The following HTR3E variants were observed in gnomAD, a reference collection of about 807,000 sequenced individuals.
HTR3E encodes 5-hydroxytryptamine receptor 3E.
A neutral mutation model predicts 38.0 loss-of-function variants in HTR3E; 38 were observed. The ratio of observed to expected loss-of-function variants is 1.00; its 90% CI spans 0.77 to 1.31. The LOEUF (loss-of-function observed/expected upper bound fraction) is 1.31. Ranked by LOEUF, HTR3E falls within the 50% of genes most tolerant of loss-of-function variation. The probability of loss-of-function intolerance (pLI) is 0.00; values close to 1 mark genes in which losing one functional copy is unlikely to be tolerated. For synonymous variants in HTR3E, 210 were observed against 232.9 expected, an observed-to-expected ratio of 0.90 and a Z score of 0.89; for missense variants, 547 against 585.2, an observed-to-expected ratio of 0.93 and a Z score of 0.67.
At chr3:184,105,217 A>C (rs1358547926) in intron 5 of HTR3E, 50 bp from the exon 6 acceptor site, 1 of 1,545,946 alleles carries the variant, frequency 6.5e-7, no homozygotes, top group Non-Finnish European at 8.7e-7. Flanking sequence ...CAGTTGAGCC[A>C]CCAGGAAACT....
rs780555155 is a variant in HTR3E at position 184,105,419 on chromosome 3, G to A, written c.712G>A (p.Val238Met). The change falls in exon 6 of 9, where the codon GTG becomes ATG. Residue 238 changes from valine (V) to methionine (M), a missense_variant. By Grantham distance (21) the Val-to-Met change is conservative. Transcript: ENST00000415389. ...GGGAGGCAACCTGTATGATCAGATC[G>A]TGTTCTATGTGAGCTTGGAGGCTCT... ...SRGGNLYDQI[V>M]FYVAIRRRPS... 14 of 1,604,962 alleles carry A rather than the reference G, an allele frequency of 8.7e-6. No individual in the cohort carries two copies. The highest frequency in any genetic ancestry group is 1.1e-5 in the South Asian group (1 of 89,166).
chr3:184,097,822 G>A (rs899567150), intron 1 of HTR3E, among the ~76,000 whole-genome samples: 2 of 152,028 alleles, frequency 1.3e-5, no homozygotes, highest in African/African-American at 2.4e-5. Context: ...TTTCCTTCTC[G>A]AAAAATAGAG....
chr3:184,101,381 C>T, intron 2 of HTR3E, 104 bp from the exon 3 acceptor site: 1 of 930,892 alleles, frequency 1.1e-6, no homozygotes, highest in African/African-American at 1.6e-5. Flanking sequence ...GATCACATAT[C>T]CCCTTTATAT....
At chr3:184,099,586 C>T (rs1179484763) in intron 1 of HTR3E, among the ~76,000 whole-genome samples, 3 of 150,606 alleles carry the variant, frequency 2.0e-5, no homozygotes, top group Admixed American at 6.6e-5. Flanking sequence ...CGGTGGCGGG[C>T]GCCTGTAGTC....
intron 1 of HTR3E, among the ~76,000 whole-genome samples, 186 bp downstream of exon 1, chr3:184,097,782 C>A (rs1234112054): frequency 6.6e-6 from 1 of 152,166 alleles, no homozygotes. Flanking sequence ...AATCCCCTTC[C>A]AGTTACATGC....
intron 6 of HTR3E, 125 bp downstream of exon 6, chr3:184,105,552 G>C: frequency 8.6e-7 from 1 of 1,166,780 alleles, no homozygotes; most frequent in Non-Finnish European, 1.2e-6. Flanking sequence ...TGGCTTCCCA[G>C]CCTCATTCTT....
At chr3:184,105,218 C>G in intron 5 of HTR3E, 49 bp from the exon 6 acceptor site, 2 of 1,548,528 alleles carry the variant, frequency 1.3e-6, no homozygotes, top group Non-Finnish European at 1.7e-6. Flanking sequence ...AGTTGAGCCA[C>G]CAGGAAACTA....
chr3:184,098,834 A>G (rs1711803283), intron 1 of HTR3E, among the ~76,000 whole-genome samples: 1 of 151,964 alleles, frequency 6.6e-6, no homozygotes. Flanking sequence ...ACCTGAGGTC[A>G]AGAGTTCAAG....
chr3:184,105,746 C>A lies in HTR3E; in HGVS notation c.721-19C>A. 1.3e-6 allele frequency: 2 copies of A among 1,596,524 alleles called. No individual in the cohort carries two copies. The highest frequency in any genetic ancestry group is 1.7e-6 in the Non-Finnish European group (2 of 1,164,326). On this transcript the variant is annotated intron_variant, in intron 6 of 8. Coordinates refer to ENST00000415389, the MANE Select transcript of HTR3E (RefSeq NM_001256613.2). ...CCTCTGACCCCATAACTACTTACCA[C>A]CCTCTCCTACCCCACCAGGTGGCCA... is the stretch of plus-strand genomic sequence containing the variant.
At position 184,100,489 on chromosome 3, in the gene HTR3E, G is replaced by C. The variant is rs1424556498; in HGVS notation, c.72G>C (p.Arg24Ser). 10 of 1,613,980 alleles carry C rather than the reference G, an allele frequency of 6.2e-6. No individual in the cohort carries two copies. Among genetic ancestry groups the C allele is most frequent in the Non-Finnish European group, 6.8e-6 (8 of 1,180,032 alleles). ...YLLLGFLLQG[R>S]GVTFTINCSG... is the part of the protein sequence containing the mutation. The stretch of plus-strand genomic sequence containing the variant: ...CACATTCGATGTCCACTACAGGAAG[G>C]GGCGTTACTTTCACCATCAATTGCT... Residue 24 changes from arginine (R) to serine (S), a missense_variant, in exon 2 of 9, where the codon AGG (arginine) becomes AGC (serine). Arg to Ser is a moderately radical substitution (Grantham distance 110). Transcript: ENST00000415389.
In HTR3E at chr3:184,105,302, T is replaced by A. The variant is rs143115282; in HGVS notation, c.595T>A (p.Trp199Arg). Residue 199 changes from tryptophan to arginine, a missense_variant, in exon 6 of 9, where the codon TGG becomes AGG. Physicochemically the swap from Trp to Arg is moderately radical, Grantham distance 101. Transcript: ENST00000415389. Reference protein sequence around the residue: ...SMLLDMEKEVWEITDASRNIL... With the variant: ...SMLLDMEKEVREITDASRNIL... The stretch of plus-strand genomic sequence containing the variant: ...GTTGCTGGACATGGAGAAAGAAGTG[T>A]GGGAAATAACAGACGCATCCCGGAA... The A allele has an allele frequency of 6.5e-5, 105 of 1,613,788 alleles. No individual in the cohort carries two copies. The African/African-American group carries it at 1.2e-3, about 18-fold the overall frequency.
In HTR3E at chr3:184,106,448, C is replaced by T. The variant is rs985267102; in HGVS notation, c.1142-16C>T. ...TGACATTTGCAGCCCATGGCTGAGT[C>T]TCTGTCTTTCTGTAGGTGTGAAGGA... On this transcript the variant is annotated splice_polypyrimidine_tract_variant and intron_variant, in intron 8 of 8. Transcript: ENST00000415389. The surrounding 1 kb of genome is among the most constrained non-coding windows in gnomAD (Gnocchi z 4.1). The T allele has an allele frequency of 6.4e-6, 10 of 1,568,482 alleles. No homozygotes were observed. The highest frequency in any genetic ancestry group is 3.4e-4 in the Middle Eastern group (2 of 5,902).
In HTR3E at chr3:184,105,428, G is replaced by A; in HGVS notation, c.720+1G>A. 1.2e-6 allele frequency: 2 copies of A among 1,602,150 alleles called. No homozygotes were observed. The highest frequency in any genetic ancestry group is 1.7e-6 in the Non-Finnish European group (2 of 1,175,260). ...CCTGTATGATCAGATCGTGTTCTAT[G>A]TGAGCTTGGAGGCTCTTACTCTTTC... is the stretch of plus-strand genomic sequence containing the variant. On this transcript the variant is annotated splice_donor_variant, in intron 6 of 8. Coordinates refer to ENST00000415389, the MANE Select transcript of HTR3E (RefSeq NM_001256613.2). LOFTEE classifies it high-confidence loss of function.
At chr3:184,101,459 A>G in intron 2 of HTR3E, 26 bp from the exon 3 acceptor site, 1 of 1,610,280 alleles carries the variant, frequency 6.2e-7, no homozygotes, top group Non-Finnish European at 8.5e-7. Context: ...TGGCAACATG[A>G]TGGAAATAGG....
chr3:184,097,709 G>A (rs1193753135), intron 1 of HTR3E, 113 bp downstream of exon 1: 2 of 744,848 alleles, frequency 2.7e-6, no homozygotes, highest in Non-Finnish European at 4.4e-6. Flanking sequence ...AAGATGGATA[G>A]AGTTCTTTCA....
At chr3:184,101,241 C>A (rs778014496) in intron 2 of HTR3E, among the ~76,000 whole-genome samples, 3 of 152,144 alleles carry the variant, frequency 2.0e-5, no homozygotes, top group Non-Finnish European at 4.4e-5. Flanking sequence ...CCGGCCACAT[C>A]GATATTTTTA....
At chr3:184,103,280 G>A (rs1219064122) in intron 3 of HTR3E, among the ~76,000 whole-genome samples, 1 of 151,852 alleles carries the variant, frequency 6.6e-6, no homozygotes, top group Non-Finnish European at 1.5e-5. Flanking sequence ...TCAGGAGTTC[G>A]AGACCAGCCT....
Position 184,097,352 on chromosome 3 carries a change from C to A in HTR3E, c.-178C>A. 3.4e-6 allele frequency: 2 copies of A among 588,746 alleles called. No individual in the cohort carries two copies. The highest frequency in any genetic ancestry group is 2.9e-5 in the East Asian group (1 of 35,078). 36.5% of individuals were successfully genotyped at this position (588,746 alleles called of 1,614,324 possible). The stretch of plus-strand genomic sequence containing the variant: ...GATAAAGTCTTAAAAGCAGACTGAA[C>A]CTTAAGCATAGGCAAGAACAAGACA... On this transcript the variant is annotated 5_prime_UTR_variant, in exon 1 of 9. Transcript: ENST00000415389.
chr3:184,100,481 A>G lies in HTR3E; in HGVS notation c.68-4A>G. Reference sequence around the variant, plus strand: ...TCATCTCACACATTCGATGTCCACTACAGGAAGGGGCGTTACTTTCACCAT... The same window carrying G: ...TCATCTCACACATTCGATGTCCACTGCAGGAAGGGGCGTTACTTTCACCAT... On this transcript the variant is annotated splice_polypyrimidine_tract_variant and splice_region_variant and intron_variant, in intron 1 of 8. Transcript: ENST00000415389. The G allele has an allele frequency of 6.2e-7, 1 of 1,614,100 alleles. No individual in the cohort carries two copies. The highest frequency in any genetic ancestry group is 8.5e-7 in the Non-Finnish European group (1 of 1,180,018).
Sources: gnomAD v4.1 joint callset for allele counts (sites outside exome capture counted in the v4.1 genomes callset) on GRCh38, gnomAD v4.1.1 for gene constraint, Gnocchi (gnomAD v3.1) non-coding constraint, MANE v1.5 for transcripts, NCBI Gene and HGNC (gene_info 2026-07-23, HGNC 2026-07-21) for gene names.